Variants in TUBB6 observed in about 807,000 individuals in gnomAD.
TUBB6 encodes the protein tubulin beta 6 class V, also known as tubulin beta-6 chain.
A neutral mutation model predicts 32.3 loss-of-function variants in TUBB6; 18 were observed. The ratio of observed to expected loss-of-function variants is 0.56; its 90% CI spans 0.39 to 0.83. The LOEUF (loss-of-function observed/expected upper bound fraction) is 0.83. Among genes scored for constraint, TUBB6 ranks in the 40% least tolerant of loss-of-function variants. The probability of loss-of-function intolerance (pLI) is 0.00; values close to 1 mark genes in which losing one functional copy is unlikely to be tolerated. For synonymous variants in TUBB6, 280 were observed against 265.8 expected (o/e 1.05, Z -0.52); for missense variants, 480 against 632.0 (o/e 0.76, Z 2.58).
In TUBB6 at chr18:12,325,800, C is replaced by T. The variant is rs1470155792; in HGVS notation, c.1011C>T (p.Asn337=). 7 of 1,614,260 alleles carry T rather than the reference C, an allele frequency of 4.3e-6. No individual in the cohort carries two copies. Among genetic ancestry groups the T allele is most frequent in the South Asian group, 3.3e-5 (3 of 91,090 alleles). Residue 337 remains asparagine (N), a synonymous_variant, in exon 4 of 4, where the codon AAC becomes AAT. Coordinates refer to ENST00000317702, the MANE Select transcript of TUBB6 (RefSeq NM_032525.3). ...AGATGCTGGCCATCCAGAGTAAGAACAGCAGCTACTTCGTGGAGTGGATTC... is the reference window on the plus strand; with the variant it reads ...AGATGCTGGCCATCCAGAGTAAGAATAGCAGCTACTTCGTGGAGTGGATTC... ...DEQMLAIQSK[N]SSYFVEWIPN...
rs1433448499 is a variant in TUBB6, at chr18:12,308,368, A to G, written c.57+19A>G. The stretch of plus-strand genomic sequence containing the variant: ...CACCAAGGTGGGCCTGGCGCGGTGC[A>G]GGGCCTCTCCGCGGGTCGGCTGCTG... On this transcript the variant is annotated intron_variant, in intron 1 of 3. Coordinates refer to ENST00000317702, the MANE Select transcript of TUBB6 (RefSeq NM_032525.3). 7.1e-7 allele frequency: 1 copy of G among 1,407,846 alleles called. No individual in the cohort carries two copies. The allele number at this position is 1,407,846 out of a possible 1,614,324, so 87.2% of individuals were successfully genotyped here.
intron 3 of TUBB6, among the ~76,000 whole-genome samples, chr18:12,314,527 G>A (rs1387578570): frequency 6.6e-6 from 1 of 152,034 alleles, no homozygotes; most frequent in Non-Finnish European, 1.5e-5. Context: ...CACATGGTGC[G>A]TAGCTGGAAA....
intron 3 of TUBB6, among the ~76,000 whole-genome samples, chr18:12,318,305 G>A (rs1480359885): frequency 2.0e-5 from 3 of 151,096 alleles, no homozygotes; most frequent in African/African-American, 7.3e-5. Flanking sequence ...TAGGAAGGAC[G>A]GTGACCATTT....
chr18:12,327,919 A>C (rs901010212), downstream of TUBB6, among the ~76,000 whole-genome samples: 1 of 152,180 alleles, frequency 6.6e-6, no homozygotes, highest in Non-Finnish European at 1.5e-5. Flanking sequence ...AGGAGTAGAG[A>C]GCGTCTCCTA....
rs1252731181 is a variant in TUBB6 at position 12,313,144 on chromosome 18, GGT to G, written c.277+2093_277+2094del. Among the ~76,000 whole-genome samples the G allele has an allele frequency of 9.3e-5, 5 of 54,046 alleles. No homozygotes were observed. The East Asian group carries it at 3.2e-3, about 34-fold the overall frequency. The allele number at this position is 54,046 out of a possible 152,430, so 35.5% of individuals were successfully genotyped here. ...AACCCATAGCAACATTACACTCCCT[GGT>G]GAAACAGAAGCATTTCCAGCAGAAT... is the stretch of plus-strand genomic sequence containing the variant. On this transcript the variant is annotated intron_variant, in intron 3 of 3. Coordinates refer to ENST00000317702, the MANE Select transcript of TUBB6 (RefSeq NM_032525.3).
rs148126530 is a variant in TUBB6, at chr18:12,308,724, C to T, written c.95C>T (p.Pro32Leu). 2 of 1,613,164 alleles carry T rather than the reference C, an allele frequency of 1.2e-6. No individual in the cohort carries two copies. Among genetic ancestry groups the T allele is most frequent in the African/African-American group, 1.3e-5 (1 of 74,896 alleles). ...EVISDEHGID[P>L]AGGYVGDSAL... is the part of the protein sequence containing the mutation. ...ATCAGCGATGAGCACGGCATCGACC[C>T]GGCCGGAGGCTACGTGGGAGACTCG... The change falls in exon 2 of 4, where the codon CCG becomes CTG. Residue 32 changes from proline to leucine, a missense_variant. Physicochemically the swap from Pro to Leu is moderately conservative, Grantham distance 98. Coordinates refer to ENST00000317702, the MANE Select transcript of TUBB6 (RefSeq NM_032525.3).
chr18:12,310,091 T>A (rs1177604739), intron 2 of TUBB6, among the ~76,000 whole-genome samples: 2 of 152,168 alleles, frequency 1.3e-5, no homozygotes, highest in African/African-American at 2.4e-5. Context: ...GGACTTGATT[T>A]CTCATCCTGC....
intron 3 of TUBB6, among the ~76,000 whole-genome samples, chr18:12,320,040 G>A (rs993609419): frequency 4.0e-5 from 6 of 151,788 alleles, no homozygotes; most frequent in Non-Finnish European, 7.4e-5. Context: ...CACCCGCCTC[G>A]GCCTCCCAAA....
At position 12,325,102 on chromosome 18, in the gene TUBB6, CACTACACGGAGGG is replaced by C. The variant is rs1459324782; in HGVS notation, c.314_326del (p.His105ProfsTer56). On this transcript the variant is annotated frameshift_variant, in exon 4 of 4. Coordinates refer to ENST00000317702, the MANE Select transcript of TUBB6 (RefSeq NM_032525.3). LOFTEE classifies it high-confidence loss of function. ...TGCAGGGAACAACTGGGCGAAAGGGCACTACACGGAGGGCGCGGAGCTGGTGGACGCAGTGCTG... is the reference window on the plus strand; with the variant it reads ...TGCAGGGAACAACTGGGCGAAAGGGCCGCGGAGCTGGTGGACGCAGTGCTG... 7 of 1,589,098 alleles carry C rather than the reference CACTACACGGAGGG, an allele frequency of 4.4e-6. No individual in the cohort carries two copies. The highest frequency in any genetic ancestry group is 1.3e-5 in the African/African-American group (1 of 74,666).
downstream of TUBB6, chr18:12,328,860 G>C (rs1907418826): frequency 2.9e-6 from 1 of 345,140 alleles, no homozygotes; most frequent in African/African-American, 2.1e-5. Flanking sequence ...GATTTTGAAG[G>C]ATTCTCCTCT....
chr18:12,315,154 CATTAT>C (rs1430228381), intron 3 of TUBB6, among the ~76,000 whole-genome samples: 1 of 152,078 alleles, frequency 6.6e-6, no homozygotes, highest in Non-Finnish European at 1.5e-5. Context: ...TTCCATTGAA[CATTAT>C]ATTATAAACC....
intron 3 of TUBB6, among the ~76,000 whole-genome samples, chr18:12,322,329 GAGTTA>G (rs1437781181): frequency 6.6e-6 from 1 of 150,910 alleles, no homozygotes; most frequent in Non-Finnish European, 1.5e-5. Context: ...AAACAAAATT[GAGTTA>G]AGTGACAGAT....
At chr18:12,329,409 G>C, downstream of TUBB6, 3 of 809,998 alleles carry the variant, frequency 3.7e-6, no homozygotes, top group Non-Finnish European at 6.3e-6. Context: ...GACCTCTGAG[G>C]CTGAAAGGAC....
chr18:12,319,909 C>T (rs1027846845), intron 3 of TUBB6, among the ~76,000 whole-genome samples: 1 of 151,996 alleles, frequency 6.6e-6, no homozygotes, highest in African/African-American at 2.4e-5. Flanking sequence ...GCCTCAGCCT[C>T]CGGAGTAGCT....
chr18:12,320,571 C>T (rs896457452), intron 3 of TUBB6: 4 of 152,174 alleles, frequency 2.6e-5, no homozygotes, highest in African/African-American at 9.7e-5. Flanking sequence ...TACACACATA[C>T]AATGGAGCCA....
chr18:12,319,434 C>T (rs961683974), intron 3 of TUBB6, among the ~76,000 whole-genome samples: 3 of 152,076 alleles, frequency 2.0e-5, no homozygotes, highest in Admixed American at 1.3e-4. Flanking sequence ...GTGTGAGCCA[C>T]CGCGCCCGGC....
At chr18:12,321,814 A>G (rs911361729) in intron 3 of TUBB6, among the ~76,000 whole-genome samples, 2 of 152,256 alleles carry the variant, frequency 1.3e-5, no homozygotes, top group Non-Finnish European at 2.9e-5. Context: ...ACAAAGTCAT[A>G]TTAGAAATTA....
chr18:12,315,430 A>T (rs1906617585), intron 3 of TUBB6, among the ~76,000 whole-genome samples: 1 of 152,252 alleles, frequency 6.6e-6, no homozygotes, highest in South Asian at 2.1e-4. Flanking sequence ...TTCCAATTGG[A>T]TTAATGCCAC....
chr18:12,322,355 AC>A (rs1333063614), intron 3 of TUBB6, among the ~76,000 whole-genome samples: 1 of 148,244 alleles, frequency 6.7e-6, no homozygotes, highest in African/African-American at 2.6e-5. Context: ...GATTGAAAAT[AC>A]TTTTTTTTTT....
Sources: gnomAD v4.1 joint callset for allele counts (sites outside exome capture counted in the v4.1 genomes callset) on GRCh38, gnomAD v4.1.1 for gene constraint, MANE v1.5 for transcripts, NCBI Gene and HGNC (gene_info 2026-07-23, HGNC 2026-07-21) for gene names.